The following CBLIF variants were observed in gnomAD, a reference collection of about 807,000 sequenced individuals.
CBLIF encodes the protein gastric intrinsic factor (vitamin B synthesis).
A neutral mutation model predicts 44.9 loss-of-function variants in CBLIF; 24 were observed. That is an observed-to-expected ratio of 0.53 (90% CI 0.39 to 0.75). The LOEUF is 0.75. Among genes scored for constraint, CBLIF ranks in the 30% least tolerant of loss-of-function variants. The pLI, the probability that CBLIF is intolerant of heterozygous loss-of-function variation, is 0.00. For missense variants in CBLIF, 481 were observed against 513.0 expected (o/e 0.94, Z 0.60); for synonymous variants, 183 against 190.9 (o/e 0.96, Z 0.34).
Position 59,843,932 on chromosome 11 carries a change from T to C in CBLIF, c.203A>G (p.Asn68Ser). ...LIAMNLAGAYNLKAQKLLTYQ... is the reference protein window; with the variant it reads ...LIAMNLAGAYSLKAQKLLTYQ... ...AGTCAGGAGCTTCTGGGCCTTCAAG[T>C]TGTAGGCTCCGGCCAGATTCATGGC... The change falls in exon 2 of 9, where the codon AAC (asparagine) becomes AGC (serine). Residue 68 changes from asparagine (N) to serine (S), a missense_variant. Coordinates refer to ENST00000257248, the MANE Select transcript of CBLIF (RefSeq NM_005142.3). 1 of 1,613,806 alleles carries C rather than the reference T, an allele frequency of 6.2e-7. No homozygotes were observed. The highest frequency in any genetic ancestry group is 1.3e-5 in the African/African-American group (1 of 74,992).
intron 6 of CBLIF, among the ~76,000 whole-genome samples, chr11:59,836,427 A>T (rs1252345611): frequency 6.6e-6 from 1 of 152,206 alleles, no homozygotes; most frequent in Non-Finnish European, 1.5e-5. Flanking sequence ...AAACACTAGT[A>T]ATCTCTGGAG....
rs193025636 is a variant in CBLIF, at chr11:59,830,610, A to T, written c.1193-1065T>A. ...GGGTATATGGGATATTTTGATAGAG[A>T]CATTTCTTGGGATGAAGGTGATGGG... On this transcript the variant is annotated intron_variant, in intron 8 of 8. Coordinates refer to ENST00000257248, the MANE Select transcript of CBLIF (RefSeq NM_005142.3). Among the ~76,000 whole-genome samples, 112 of 152,214 alleles carry T rather than the reference A, an allele frequency of 7.4e-4. 2 individuals carry two copies. In the East Asian group the frequency reaches 0.018, roughly 24 times the overall value.
At chr11:59,838,368 T>C (rs1866480970) in intron 5 of CBLIF, among the ~76,000 whole-genome samples, 2 of 152,174 alleles carry the variant, frequency 1.3e-5, no homozygotes, top group Non-Finnish European at 2.9e-5. Context: ...TGATGTGTGA[T>C]GTGTGATGTG....
intron 5 of CBLIF, among the ~76,000 whole-genome samples, chr11:59,840,164 C>T (rs1866505941): frequency 6.6e-6 from 1 of 151,452 alleles, no homozygotes; most frequent in Non-Finnish European, 1.5e-5. Flanking sequence ...CTGCTTATAT[C>T]CTTTTCTAAT....
chr11:59,829,483 G>A lies in CBLIF; in HGVS notation c.*1C>T, dbSNP rs142950843. 70 of 1,597,598 alleles carry A rather than the reference G, an allele frequency of 4.4e-5. No individual in the cohort carries two copies. The highest frequency in any genetic ancestry group is 1.7e-4 in the South Asian group (15 of 90,772). On this transcript the variant is annotated 3_prime_UTR_variant, in exon 9 of 9. Transcript: ENST00000257248. ...TGATAGAAGCTGAACCCACCTCTTC[G>A]TTAGTACTGTGTGAAATTGGCTGTG...
intron 5 of CBLIF, among the ~76,000 whole-genome samples, chr11:59,839,902 A>C (rs1866502026): frequency 6.6e-6 from 1 of 152,090 alleles, no homozygotes. Context: ...ATAAAAAAAA[A>C]AAATCCCCAA....
At chr11:59,833,650 TA>T (rs1866403800) in intron 7 of CBLIF, among the ~76,000 whole-genome samples, 1 of 152,178 alleles carries the variant, frequency 6.6e-6, no homozygotes, top group African/African-American at 2.4e-5. Context: ...GTGGAATAGA[TA>T]CCCACGTGGT....
rs1035261151 is a variant in CBLIF, at chr11:59,829,640, T to A, written c.1193-95A>T. On this transcript the variant is annotated intron_variant, in intron 8 of 8. Transcript: ENST00000257248. ...CAGTGAGCTAGATGCAGTGAACCCA[T>A]TAAATGTTTTTAAAGGAGTAAAATC... 3.9e-6 allele frequency: 3 copies of A among 761,384 alleles called. No individual in the cohort carries two copies. In the African/African-American group the frequency reaches 5.1e-5, roughly 13 times the overall value. The allele number at this position is 761,384 out of a possible 1,614,324, so 47.2% of individuals were successfully genotyped here.
rs762285472 is a variant in CBLIF at position 59,837,304 on chromosome 11, C to T, written c.741G>A (p.Lys247=). The change falls in exon 6 of 9, where the codon AAG becomes AAA. Residue 247 remains lysine, a synonymous_variant. Transcript: ENST00000257248. ...CATTGAGTATCATATCCGTAGTCTT[C>T]TTGCAGTTCCATTCCTTTTTAGATG... ...PEPSKKEWNC[K]KTTDMILNEI... is the part of the protein sequence containing the mutation. The T allele has an allele frequency of 8.7e-6, 14 of 1,613,282 alleles. No homozygotes were observed. The highest frequency in any genetic ancestry group is 8.5e-6 in the Non-Finnish European group (10 of 1,179,368).
intron 6 of CBLIF, among the ~76,000 whole-genome samples, chr11:59,836,955 G>A (rs189810137): frequency 5.1e-4 from 77 of 152,326 alleles, no homozygotes; most frequent in Non-Finnish European, 2.9e-5. Flanking sequence ...TAGGAGCTAG[G>A]TAAATATATG....
chr11:59,830,521 A>C (rs1297746131), intron 8 of CBLIF, among the ~76,000 whole-genome samples: 1 of 152,036 alleles, frequency 6.6e-6, no homozygotes, highest in Non-Finnish European at 1.5e-5. Flanking sequence ...TCTTTTTAAA[A>C]AAATTCTGGG....
In CBLIF at chr11:59,835,786, G is replaced by T. The variant is rs753101893; in HGVS notation, c.1073+22C>A. Reference sequence around the variant, plus strand: ...TCAGATCAGGCCTTGAGAGAATGATGAATGACATTTGTAATACTCACTTGA... The same window carrying T: ...TCAGATCAGGCCTTGAGAGAATGATTAATGACATTTGTAATACTCACTTGA... On this transcript the variant is annotated intron_variant, in intron 7 of 8. Transcript: ENST00000257248. The T allele has an allele frequency of 5.1e-6, 8 of 1,553,528 alleles. No individual in the cohort carries two copies. The East Asian group carries it at 1.6e-4, about 30-fold the overall frequency.
intron 7 of CBLIF, among the ~76,000 whole-genome samples, chr11:59,835,376 C>T (rs910985251): frequency 6.6e-6 from 1 of 152,020 alleles, no homozygotes; most frequent in Admixed American, 6.6e-5. Flanking sequence ...TAAGATGATC[C>T]GCATGCCTCA....
intron 6 of CBLIF, among the ~76,000 whole-genome samples, chr11:59,836,303 A>G (rs1454588657): frequency 6.6e-6 from 1 of 152,114 alleles, no homozygotes; most frequent in Non-Finnish European, 1.5e-5. Flanking sequence ...CTGCATTGAG[A>G]TAGACGAGAA....
Position 59,837,410 on chromosome 11 carries a change from C to T in CBLIF, c.694-59G>A, listed in dbSNP as rs367997196. On this transcript the variant is annotated intron_variant, in intron 5 of 8. Transcript: ENST00000257248. ...AATTAGGCATAGCTGAGAGTTGGCTCTTACATGTCTTAAGAGATAAACTTG... is the reference window on the plus strand; with the variant it reads ...AATTAGGCATAGCTGAGAGTTGGCTTTTACATGTCTTAAGAGATAAACTTG... 2.1e-3 allele frequency: 2,538 copies of T among 1,232,378 alleles called. 35 individuals carry two copies. In the South Asian group the frequency reaches 0.024, roughly 11 times the overall value. 76.3% of individuals were successfully genotyped at this position (1,232,378 alleles called of 1,614,324 possible). A position where few individuals can be genotyped will look rare whatever the true frequency, so the allele number is the denominator to read the frequency against.
chr11:59,829,544 C>T lies in CBLIF; in HGVS notation c.1194G>A (p.Gly398=), dbSNP rs766152183. 1.2e-6 allele frequency: 2 copies of T among 1,601,824 alleles called. No homozygotes were observed. Among genetic ancestry groups the T allele is most frequent in the Non-Finnish European group, 1.7e-6 (2 of 1,168,884 alleles). Residue 398 remains glycine (G), a splice_region_variant and synonymous_variant, in exon 9 of 9, where the codon GGG becomes GGA. Transcript: ENST00000257248. ...GGTTGAAGGGTATGTAGTCAGCAAC[C>T]CCTGGAAATAAGCAGAGAATAACAT... ...FLSGVTPLNE[G]VADYIPFNHE...
At chr11:59,836,069 A>C in intron 6 of CBLIF, 60 bp from the exon 7 acceptor site, 1 of 1,347,914 alleles carries the variant, frequency 7.4e-7, no homozygotes, top group Non-Finnish European at 1.1e-6. Context: ...CATAGGTGCA[A>C]AATCTCTGTT....
At chr11:59,834,511 A>C (rs1462847472) in intron 7 of CBLIF, among the ~76,000 whole-genome samples, 2 of 148,064 alleles carry the variant, frequency 1.4e-5, no homozygotes, top group African/African-American at 2.5e-5. Context: ...TCCCGTCTCA[A>C]CCTCCTGGGT....
intron 4 of CBLIF, among the ~76,000 whole-genome samples, chr11:59,841,577 C>T (rs1296589417): frequency 6.6e-6 from 1 of 152,156 alleles, no homozygotes. Context: ...GTGTTACTGA[C>T]AACCAGAAGT....
Sources: allele counts gnomAD v4.1 joint callset (sites outside exome capture counted in the v4.1 genomes callset), GRCh38; gene constraint gnomAD v4.1.1; transcripts MANE v1.5; gene names NCBI Gene and HGNC (gene_info 2026-07-23, HGNC 2026-07-21).